The following CNTFR variants were observed in gnomAD, a reference collection of about 807,000 sequenced individuals.
CNTFR encodes ciliary neurotrophic factor receptor.
A neutral mutation model predicts 40.4 loss-of-function variants in CNTFR; 12 were observed. That is an observed-to-expected ratio of 0.30 (90% CI 0.19 to 0.48). The LOEUF (loss-of-function observed/expected upper bound fraction) is 0.48, where lower values mean the gene tolerates loss of function less well. CNTFR is among the 20% of genes least tolerant of loss of function. The probability of loss-of-function intolerance (pLI) is 0.99; values close to 1 mark genes in which losing one functional copy is unlikely to be tolerated. For synonymous variants in CNTFR, 202 were observed against 209.6 expected (o/e 0.96, Z 0.31); for missense variants, 414 against 506.8 (o/e 0.82, Z 1.76).
intron 4 of CNTFR, among the ~76,000 whole-genome samples, chr9:34,563,885 C>T (rs1485919987): frequency 6.6e-6 from 1 of 152,158 alleles, no homozygotes; most frequent in African/African-American, 2.4e-5. Context: ...TGCCTCCCTC[C>T]ACTCAGAGTG....
intron 7 of CNTFR, among the ~76,000 whole-genome samples, chr9:34,555,604 C>A (rs2132122620): frequency 6.6e-6 from 1 of 152,184 alleles, no homozygotes; most frequent in African/African-American, 2.4e-5. Flanking sequence ...TGCTTGGTTC[C>A]CAGCCAGGCT....
At chr9:34,554,375 T>C (rs903020225) in intron 7 of CNTFR, among the ~76,000 whole-genome samples, 6 of 152,240 alleles carry the variant, frequency 3.9e-5, no homozygotes, top group Middle Eastern at 3.4e-3. Flanking sequence ...GGGCTTATGG[T>C]GGGCACCATA....
rs537995000 is a variant in CNTFR, at chr9:34,566,814, C to T, written c.86-1982G>A. 3.3e-5 allele frequency among the ~76,000 whole-genome samples: 5 copies of T among 152,320 alleles called. No homozygotes were observed. The East Asian group carries it at 7.7e-4, about 23-fold the overall frequency. On this transcript the variant is annotated intron_variant, in intron 3 of 9. Transcript: ENST00000378980. Reference sequence around the variant, plus strand: ...GACACAGCAACCGAACAACACATTACATACAATGGCTATGGGATAACACCT... The same window carrying T: ...GACACAGCAACCGAACAACACATTATATACAATGGCTATGGGATAACACCT...
At chr9:34,561,991 G>C (rs192703569) in intron 4 of CNTFR, among the ~76,000 whole-genome samples, 5 of 152,348 alleles carry the variant, frequency 3.3e-5, no homozygotes, top group Admixed American at 6.5e-5. Flanking sequence ...CAACAGGGCA[G>C]CTGTGGGCAT....
At chr9:34,567,120 C>T (rs1477728174) in intron 3 of CNTFR, among the ~76,000 whole-genome samples, 1 of 152,180 alleles carries the variant, frequency 6.6e-6, no homozygotes, top group Non-Finnish European at 1.5e-5. Flanking sequence ...TGCTCCCGCC[C>T]CGTGGGTGCC....
chr9:34,552,703 C>G lies in CNTFR; in HGVS notation c.920G>C (p.Arg307Pro). 1 of 1,613,662 alleles carries G rather than the reference C, an allele frequency of 6.2e-7. No individual in the cohort carries two copies. The highest frequency in any genetic ancestry group is 2.2e-5 in the East Asian group (1 of 44,878). Residue 307 changes from arginine (R) to proline (P), a missense_variant, in exon 8 of 10, where the codon CGA (arginine) becomes CCA (proline). Transcript: ENST00000378980. This position sits in a 1 kb window ranked among gnomAD's most constrained non-coding sequence, Gnocchi z 5.1. Reference sequence around the variant, plus strand: ...AGCCTGGGCCTCCGTGGTGAGGTGTCGCGGTTCCTCAGTCCAGGGCGTAGC... The same window carrying G: ...AGCCTGGGCCTCCGTGGTGAGGTGTGGCGGTTCCTCAGTCCAGGGCGTAGC... ...AHATPWTEEP[R>P]HLTTEAQAAE...
chr9:34,585,427 T>C (rs1587180563), intron 1 of CNTFR, among the ~76,000 whole-genome samples: 1 of 152,114 alleles, frequency 6.6e-6, no homozygotes, highest in Non-Finnish European at 1.5e-5. Flanking sequence ...GTCACTACCA[T>C]AGTTTAATTT....
Position 34,570,798 on chromosome 9 carries a change from AAC to A in CNTFR, c.1-1819_1-1818del, listed in dbSNP as rs1429369677. ...GCTCCAGACAGTGCAGACATAGCAT[AAC>A]AGAGACAAATGTGGGTATCAGCCTG... On this transcript the variant is annotated intron_variant, in intron 2 of 9. Transcript: ENST00000378980. 4.6e-5 allele frequency among the ~76,000 whole-genome samples: 7 copies of A among 152,272 alleles called. 1 individual carries two copies. Among genetic ancestry groups the A allele is most frequent in the African/African-American group, 1.7e-4 (7 of 41,558 alleles).
intron 2 of CNTFR, among the ~76,000 whole-genome samples, chr9:34,578,273 G>A (rs948446414): frequency 1.3e-5 from 2 of 152,210 alleles, no homozygotes; most frequent in Non-Finnish European, 2.9e-5. Context: ...GCAAGCGAAC[G>A]AGCAAGCGAG....
chr9:34,572,188 G>A (rs574183927), intron 2 of CNTFR, among the ~76,000 whole-genome samples: 25 of 151,864 alleles, frequency 1.6e-4, no homozygotes, highest in African/African-American at 5.1e-4. Context: ...CCCTGCCCCT[G>A]CAGATCCAGA....
At chr9:34,565,628 C>T (rs185817087) in intron 3 of CNTFR, among the ~76,000 whole-genome samples, 16 of 152,272 alleles carry the variant, frequency 1.1e-4, no homozygotes, top group African/African-American at 3.9e-4. Context: ...TCTCCTACCC[C>T]CAGGAGCGGC....
chr9:34,560,816 T>C (rs1486210629), intron 4 of CNTFR, among the ~76,000 whole-genome samples: 1 of 152,220 alleles, frequency 6.6e-6, no homozygotes, highest in East Asian at 1.9e-4. Context: ...TGTGCGCGTG[T>C]GTATGTGTGC....
chr9:34,580,877 C>T (rs1281347513), intron 2 of CNTFR, among the ~76,000 whole-genome samples: 1 of 152,182 alleles, frequency 6.6e-6, no homozygotes, highest in Non-Finnish European at 1.5e-5. Context: ...TGGTGTTGCC[C>T]TTGCCTGTGT....
intron 2 of CNTFR, among the ~76,000 whole-genome samples, chr9:34,576,724 C>T (rs558564010): frequency 1.7e-4 from 26 of 152,212 alleles, no homozygotes; most frequent in Non-Finnish European, 3.2e-4. Flanking sequence ...CAGATGGTGG[C>T]ACTGGAATCA....
At chr9:34,564,577 G>A in intron 4 of CNTFR, 22 bp downstream of exon 4, 1 of 1,584,764 alleles carries the variant, frequency 6.3e-7, no homozygotes, top group Non-Finnish European at 8.6e-7. Flanking sequence ...GAGGCTGGAT[G>A]AGGGGTGGGG....
At chr9:34,556,201 C>T in intron 7 of CNTFR, 54 bp downstream of exon 7, 1 of 1,569,008 alleles carries the variant, frequency 6.4e-7, no homozygotes, top group South Asian at 1.2e-5. Context: ...GTGCCACTCA[C>T]TGCACATGAT....
chr9:34,578,452 G>A (rs1297822464), intron 2 of CNTFR, among the ~76,000 whole-genome samples: 1 of 152,180 alleles, frequency 6.6e-6, no homozygotes, highest in Non-Finnish European at 1.5e-5. Context: ...GGGTGGCCGG[G>A]GCCTCCTTTC....
rs1225586990 is a variant in CNTFR at position 34,552,431 on chromosome 9, A to G, written c.950-102T>C. ...ATTCTGCTTCCTGCATCAGACTGGT[A>G]CTGCCTCCCCCATCAGGCAGATCCT... On this transcript the variant is annotated intron_variant, in intron 8 of 9. Transcript: ENST00000378980. This position sits in a 1 kb window ranked among gnomAD's most constrained non-coding sequence, Gnocchi z 5.1. 4.7e-6 allele frequency: 6 copies of G among 1,273,678 alleles called. No individual in the cohort carries two copies. The highest frequency in any genetic ancestry group is 6.4e-6 in the Non-Finnish European group (6 of 938,436). The allele number at this position is 1,273,678 out of a possible 1,614,324, so 78.9% of individuals were successfully genotyped here.
chr9:34,556,426 G>A lies in CNTFR; in HGVS notation c.605-8C>T, dbSNP rs746063799. 6.3e-7 allele frequency: 1 copy of A among 1,597,420 alleles called. No individual in the cohort carries two copies. Among genetic ancestry groups the A allele is most frequent in the Non-Finnish European group, 8.5e-7 (1 of 1,170,338 alleles). ...CTGGAGGATCAGGCTTCACTGTTCA[G>A]GAGACATAGCTTCATTACTACACTA... On this transcript the variant is annotated splice_polypyrimidine_tract_variant and splice_region_variant and intron_variant, in intron 6 of 9. Coordinates refer to ENST00000378980, the MANE Select transcript of CNTFR (RefSeq NM_147164.3).
Sources: allele counts gnomAD v4.1 joint callset (sites outside exome capture counted in the v4.1 genomes callset), GRCh38; gene constraint gnomAD v4.1.1; non-coding constraint Gnocchi (gnomAD v3.1); transcripts MANE v1.5; gene names NCBI Gene and HGNC (gene_info 2026-07-23, HGNC 2026-07-21).